Variants in CYFIP2 observed in about 807,000 individuals in gnomAD.
CYFIP2 encodes the protein cytoplasmic FMR1-interacting protein 2.
A neutral mutation model predicts 158.7 loss-of-function variants in CYFIP2; 29 were observed. The ratio of observed to expected loss-of-function variants is 0.18; its 90% CI spans 0.14 to 0.25. CYFIP2 has a LOEUF of 0.25. Among genes scored for constraint, CYFIP2 ranks in the 10% least tolerant of loss-of-function variants. CYFIP2 has a pLI of 1.00. For synonymous variants in CYFIP2, 585 were observed against 617.6 expected (o/e 0.95, Z 0.78); for missense variants, 852 against 1,639.5 (o/e 0.52, Z 8.29).
Position 157,304,378 on chromosome 5 carries a change from C to G in CYFIP2, c.795+12C>G. ...ATATGCTCCTCAAGGTAAAACTCCCCTGAGGCCGCACCCATGGAGCCTGGG... is the reference window on the plus strand; with the variant it reads ...ATATGCTCCTCAAGGTAAAACTCCCGTGAGGCCGCACCCATGGAGCCTGGG... On this transcript the variant is annotated intron_variant, in intron 8 of 30. Coordinates refer to ENST00000620254, the MANE Select transcript of CYFIP2 (RefSeq NM_001037333.3). The G allele has an allele frequency of 6.2e-7, 1 of 1,612,042 alleles. No homozygotes were observed.
At chr5:157,332,165 C>T (rs1761512282) in intron 20 of CYFIP2, among the ~76,000 whole-genome samples, 1 of 152,218 alleles carries the variant, frequency 6.6e-6, no homozygotes, top group South Asian at 2.1e-4. Flanking sequence ...CCAGAGCCTA[C>T]CCTGAACCTC....
intron 26 of CYFIP2, chr5:157,364,684 A>T (rs967051267): frequency 6.6e-6 from 1 of 152,198 alleles, no homozygotes; most frequent in African/African-American, 2.4e-5. Flanking sequence ...CTACTTAGAC[A>T]GCTGGGGAGA....
chr5:157,362,777 A>T lies in CYFIP2; in HGVS notation c.3039+1179A>T, dbSNP rs151177735. The T allele has an allele frequency of 5.9e-5, 9 of 152,348 alleles. No individual in the cohort carries two copies. In the East Asian group the frequency reaches 1.7e-3, roughly 30 times the overall value. The allele number at this position is 152,348 out of a possible 1,614,324, so 9.4% of individuals were successfully genotyped here. On this transcript the variant is annotated intron_variant, in intron 26 of 30. Coordinates refer to ENST00000620254, the MANE Select transcript of CYFIP2 (RefSeq NM_001037333.3). The stretch of plus-strand genomic sequence containing the variant: ...CTGCAGGGTCCTGTGGGAACAGAAG[A>T]CAGAGAACTCGATGTGTTCTTGAGG...
intron 19 of CYFIP2, among the ~76,000 whole-genome samples, chr5:157,328,638 G>A (rs1761211488): frequency 6.6e-6 from 1 of 152,228 alleles, no homozygotes. Flanking sequence ...GGCAGGGCCA[G>A]AGCACACCAG....
At chr5:157,378,727 G>A (rs1481006825) in intron 26 of CYFIP2, among the ~76,000 whole-genome samples, 1 of 152,094 alleles carries the variant, frequency 6.6e-6, no homozygotes, top group Non-Finnish European at 1.5e-5. Context: ...TATCTCACAG[G>A]GCTGTCCAGA....
At chr5:157,374,248 C>T (rs1765258462) in intron 26 of CYFIP2, among the ~76,000 whole-genome samples, 1 of 152,206 alleles carries the variant, frequency 6.6e-6, no homozygotes, top group Non-Finnish European at 1.5e-5. Context: ...CCAGGGCCAT[C>T]ACTAGCACAC....
intron 26 of CYFIP2, among the ~76,000 whole-genome samples, chr5:157,367,881 A>T (rs1411376476): frequency 2.0e-5 from 3 of 151,648 alleles, no homozygotes; most frequent in Non-Finnish European, 2.9e-5. Flanking sequence ...CAGCCTCCTA[A>T]GTAGCTGGGA....
chr5:157,270,266 G>A (rs967254419), intron 1 of CYFIP2, among the ~76,000 whole-genome samples: 3 of 152,222 alleles, frequency 2.0e-5, no homozygotes, highest in Admixed American at 6.5e-5. Context: ...ACAGAGGTGT[G>A]TTTAGTCTGT....
intron 24 of CYFIP2, 38 bp downstream of exon 24, chr5:157,359,186 T>C: frequency 6.2e-7 from 1 of 1,609,856 alleles, no homozygotes; most frequent in African/African-American, 1.3e-5. Flanking sequence ...GATATGCCCA[T>C]GTGGGTTTGA....
At chr5:157,319,181 C>T (rs1011472012) in intron 13 of CYFIP2, among the ~76,000 whole-genome samples, 1 of 152,124 alleles carries the variant, frequency 6.6e-6, no homozygotes, top group African/African-American at 2.4e-5. Context: ...TCTCTCCAAA[C>T]AGATAAGTGA....
intron 8 of CYFIP2, among the ~76,000 whole-genome samples, chr5:157,306,810 A>T (rs1463980845): frequency 6.7e-6 from 1 of 148,922 alleles, no homozygotes; most frequent in Non-Finnish European, 1.5e-5. Flanking sequence ...TGAGCCCAGG[A>T]GGTTGAGGCT....
At position 157,319,140 on chromosome 5, in the gene CYFIP2, GC is replaced by G. The variant is rs1459759405; in HGVS notation, c.1357-621del. Among the ~76,000 whole-genome samples the G allele has an allele frequency of 3.9e-5, 6 of 152,248 alleles. No individual in the cohort carries two copies. The East Asian group carries it at 9.6e-4, about 24-fold the overall frequency. On this transcript the variant is annotated intron_variant, in intron 13 of 30. Transcript: ENST00000620254. ...AAAGAGCGAGCCAAGGTCAGGCCAG[GC>G]TCCTCTCATCACACGTGCCTGAATC... is the stretch of plus-strand genomic sequence containing the variant.
rs527948066 is a variant in CYFIP2 at position 157,394,942 on chromosome 5, T to A, written c.*1942T>A. The A allele has an allele frequency of 2.0e-5, 3 of 152,794 alleles. No individual in the cohort carries two copies. Among genetic ancestry groups the A allele is most frequent in the Admixed American group, 6.5e-5 (1 of 15,314 alleles). The allele number at this position is 152,794 out of a possible 1,614,324, so 9.5% of individuals were successfully genotyped here. ...TGTCAAAGTTCCAGATCCTTCTACA[T>A]CTTTAGTCCTGTCTGAGGATGGTAG... On this transcript the variant is annotated 3_prime_UTR_variant, in exon 31 of 31. Coordinates refer to ENST00000620254, the MANE Select transcript of CYFIP2 (RefSeq NM_001037333.3).
intron 26 of CYFIP2, among the ~76,000 whole-genome samples, chr5:157,379,422 A>AT (rs1233762011): frequency 1.3e-5 from 2 of 152,018 alleles, no homozygotes; most frequent in East Asian, 3.9e-4. Flanking sequence ...TTAAAAATTG[A>AT]TAAGCTGAAT....
intron 13 of CYFIP2, among the ~76,000 whole-genome samples, chr5:157,318,304 A>G (rs1760313874): frequency 6.6e-6 from 1 of 152,184 alleles, no homozygotes; most frequent in Admixed American, 6.5e-5. Flanking sequence ...CTAGAGTTGT[A>G]AAGATTTTTC....
intron 26 of CYFIP2, chr5:157,375,892 C>G (rs1352802079): frequency 6.6e-6 from 1 of 152,220 alleles, no homozygotes; most frequent in Non-Finnish European, 1.5e-5. Flanking sequence ...GCCCCCTTTC[C>G]TCCTCTTGCC....
chr5:157,275,887 G>A (rs1169865263), intron 1 of CYFIP2, among the ~76,000 whole-genome samples: 1 of 152,098 alleles, frequency 6.6e-6, no homozygotes, highest in Non-Finnish European at 1.5e-5. Flanking sequence ...TTATTTCTAA[G>A]TATTGTATTA....
chr5:157,353,103 T>C (rs1763180502), intron 23 of CYFIP2, among the ~76,000 whole-genome samples: 4 of 152,204 alleles, frequency 2.6e-5, no homozygotes, highest in Admixed American at 6.5e-5. Context: ...CCTGAGAGAA[T>C]ACATTGCTGT....
Position 157,294,853 on chromosome 5 carries a change from T to C in CYFIP2, c.278T>C (p.Ile93Thr). Reference protein sequence around the residue: ...LYTWRSCSRAIPQVKCNEQPN... With the variant: ...LYTWRSCSRATPQVKCNEQPN... ...ACCTGGCGCAGCTGTTCCCGGGCCA[T>C]TCCCCAGGTGAGACTGTCCTTGTTG... is the stretch of plus-strand genomic sequence containing the variant. The change falls in exon 4 of 31, where the codon ATT (isoleucine) becomes ACT (threonine). Residue 93 changes from isoleucine to threonine, a missense_variant. By Grantham distance (89) the Ile-to-Thr change is moderately conservative. Transcript: ENST00000620254. 3.1e-6 allele frequency: 5 copies of C among 1,613,256 alleles called. No homozygotes were observed. Among genetic ancestry groups the C allele is most frequent in the Non-Finnish European group, 2.5e-6 (3 of 1,179,300 alleles).
Sources: allele counts gnomAD v4.1 joint callset (sites outside exome capture counted in the v4.1 genomes callset), GRCh38; gene constraint gnomAD v4.1.1; transcripts MANE v1.5; gene names NCBI Gene and HGNC (gene_info 2026-07-23, HGNC 2026-07-21).